TSHZ2: variants seen among roughly 807,000 people sequenced by gnomAD.
TSHZ2 encodes the protein teashirt zinc finger homeobox 2, also known as teashirt homolog 2.
Under a neutral mutation model 74.4 loss-of-function variants are expected in TSHZ2, and 21 were observed. The observed-to-expected ratio is 0.28, with a 90% CI of 0.20 to 0.41. The LOEUF is 0.41. Ranked by LOEUF, TSHZ2 falls within the 10% of genes least tolerant of loss-of-function variation. TSHZ2 has a pLI of 1.00. For missense variants in TSHZ2, 1,244 were observed against 1,293.5 expected (o/e 0.96, Z 0.59); for synonymous variants, 540 against 515.3 (o/e 1.05, Z -0.65).
At chr20:53,230,288 T>C (rs574867481) in intron 1 of TSHZ2, among the ~76,000 whole-genome samples, 1 of 152,332 alleles carries the variant, frequency 6.6e-6, no homozygotes, top group South Asian at 2.1e-4. Context: ...AGAATTATGA[T>C]TGGATCATTT....
At chr20:53,473,183 T>C (rs1439695649) in intron 2 of TSHZ2, among the ~76,000 whole-genome samples, 6 of 146,160 alleles carry the variant, frequency 4.1e-5, no homozygotes, top group East Asian at 2.1e-4. Context: ...CCTGCCTCTG[T>C]AGGCTCCACC....
intron 1 of TSHZ2, among the ~76,000 whole-genome samples, chr20:53,004,481 C>A (rs566195040): frequency 1.1e-4 from 16 of 152,292 alleles, no homozygotes; most frequent in African/African-American, 3.8e-4. Flanking sequence ...GCAGGCGTTG[C>A]CCCGCCACCT....
intron 2 of TSHZ2, among the ~76,000 whole-genome samples, chr20:53,327,034 C>A (rs373369729): frequency 3.3e-5 from 5 of 152,200 alleles, no homozygotes; most frequent in African/African-American, 1.2e-4. Flanking sequence ...ACCGTACATG[C>A]AGCACTGTGC....
intron 1 of TSHZ2, among the ~76,000 whole-genome samples, chr20:53,153,584 T>G (rs556166282): frequency 1.3e-5 from 2 of 152,302 alleles, no homozygotes; most frequent in African/African-American, 4.8e-5. Context: ...GAACAGACCC[T>G]GAGTCTAGAA....
chr20:53,028,513 G>A (rs6022230), intron 1 of TSHZ2, among the ~76,000 whole-genome samples: 110,531 of 152,210 alleles, frequency 0.73, 41,585 homozygotes, highest in East Asian at 0.96. Flanking sequence ...CCTGGAAATT[G>A]TGACTTCTAG....
chr20:53,241,393 G>A (rs1990067118), intron 1 of TSHZ2, among the ~76,000 whole-genome samples: 1 of 152,070 alleles, frequency 6.6e-6, no homozygotes, highest in South Asian at 2.1e-4. Context: ...AAATAGGTCA[G>A]GATTTATTTG....
intron 2 of TSHZ2, among the ~76,000 whole-genome samples, chr20:53,385,428 G>A (rs193040153): frequency 1.2e-4 from 18 of 152,174 alleles, no homozygotes; most frequent in African/African-American, 2.4e-4. Context: ...ATACTGGGGC[G>A]CCCCAAAGGA....
Position 53,216,897 on chromosome 20 carries a change from G to A in TSHZ2, c.41-36602G>A, listed in dbSNP as rs1184515335. ...TCCCTGCAGCCCCTGGCAGCTCCTGGCGACTCACTTCACCGCCCGGAGAAT... is the reference window on the plus strand; with the variant it reads ...TCCCTGCAGCCCCTGGCAGCTCCTGACGACTCACTTCACCGCCCGGAGAAT... On this transcript the variant is annotated intron_variant, in intron 1 of 2. Coordinates refer to ENST00000371497, the MANE Select transcript of TSHZ2 (RefSeq NM_173485.6). 3.9e-5 allele frequency among the ~76,000 whole-genome samples: 6 copies of A among 152,224 alleles called. No homozygotes were observed. In the East Asian group the frequency reaches 9.7e-4, roughly 25 times the overall value.
At chr20:53,321,424 G>A (rs1014836403) in intron 2 of TSHZ2, among the ~76,000 whole-genome samples, 3 of 152,010 alleles carry the variant, frequency 2.0e-5, no homozygotes, top group Non-Finnish European at 4.4e-5. Context: ...GGTGGCTCAC[G>A]CCTGTAATCC....
chr20:53,460,625 T>C (rs1238619311), intron 2 of TSHZ2, among the ~76,000 whole-genome samples: 2 of 152,248 alleles, frequency 1.3e-5, no homozygotes, highest in Admixed American at 6.5e-5. Context: ...AGAGGCGCTC[T>C]GCTTTTTAGA....
chr20:53,269,792 T>C (rs1990794772), intron 2 of TSHZ2, among the ~76,000 whole-genome samples: 1 of 136,694 alleles, frequency 7.3e-6, no homozygotes, highest in Non-Finnish European at 1.6e-5. Context: ...AAACTTAGAG[T>C]ATAATAAAAA....
At chr20:53,086,510 C>T (rs1294508116) in intron 1 of TSHZ2, among the ~76,000 whole-genome samples, 3 of 152,114 alleles carry the variant, frequency 2.0e-5, no homozygotes, top group African/African-American at 4.8e-5. Context: ...TTGAATAGAT[C>T]ATCCCCAAGT....
At chr20:53,448,028 C>T (rs1156257082) in intron 2 of TSHZ2, among the ~76,000 whole-genome samples, 2 of 151,914 alleles carry the variant, frequency 1.3e-5, no homozygotes, top group African/African-American at 2.4e-5. Context: ...ATTCTCCTGC[C>T]TCAGCCTCCC....
chr20:53,418,622 C>T (rs186977417), intron 2 of TSHZ2, among the ~76,000 whole-genome samples: 1 of 152,110 alleles, frequency 6.6e-6, no homozygotes, highest in African/African-American at 2.4e-5. Context: ...GACCTGCCCC[C>T]ATGATCCAAT....
At chr20:53,213,166 A>G (rs934079500) in intron 1 of TSHZ2, among the ~76,000 whole-genome samples, 5 of 152,226 alleles carry the variant, frequency 3.3e-5, no homozygotes, top group Non-Finnish European at 7.3e-5. Flanking sequence ...CAAAACACCG[A>G]AAAACTTTTA....
intron 1 of TSHZ2, among the ~76,000 whole-genome samples, chr20:53,146,420 C>T (rs1193268049): frequency 6.6e-6 from 1 of 152,008 alleles, no homozygotes; most frequent in Non-Finnish European, 1.5e-5. Flanking sequence ...ATTGAGATCC[C>T]CAAGCAGCAC....
chr20:53,314,065 A>C (rs1437893623), intron 2 of TSHZ2, among the ~76,000 whole-genome samples: 1 of 152,146 alleles, frequency 6.6e-6, no homozygotes, highest in Non-Finnish European at 1.5e-5. Flanking sequence ...AGGTGGGCAG[A>C]TCACTTGAGG....
intron 1 of TSHZ2, among the ~76,000 whole-genome samples, chr20:53,103,357 A>G (rs1030576447): frequency 6.6e-6 from 1 of 152,230 alleles, no homozygotes; most frequent in Non-Finnish European, 1.5e-5. Flanking sequence ...TTAGACAAAC[A>G]ACCTCTGATG....
In TSHZ2 at chr20:53,106,707, G is replaced by GTT. The variant is rs796905956; in HGVS notation, c.40+133383_40+133384dup. Among the ~76,000 whole-genome samples the GTT allele has an allele frequency of 3.8e-3, 423 of 110,258 alleles. 7 individuals carry two copies. The highest frequency in any genetic ancestry group is 0.014 in the African/African-American group (388 of 27,788). The allele number at this position is 110,258 out of a possible 152,430, so 72.3% of individuals were successfully genotyped here. A position where few individuals can be genotyped will look rare whatever the true frequency, so the allele number is the denominator to read the frequency against. On this transcript the variant is annotated intron_variant, in intron 1 of 2. Coordinates refer to ENST00000371497, the MANE Select transcript of TSHZ2 (RefSeq NM_173485.6). Reference sequence around the variant, plus strand: ...GCCACCACGCAGGGCATTTTTTTTTGTTTTTTTTTTGACACAGAGTCCCTC... The same window carrying GTT: ...GCCACCACGCAGGGCATTTTTTTTTGTTTTTTTTTTTTGACACAGAGTCCCTC...
Sources: gnomAD v4.1 joint callset for allele counts (sites outside exome capture counted in the v4.1 genomes callset) on GRCh38, gnomAD v4.1.1 for gene constraint, MANE v1.5 for transcripts, NCBI Gene and HGNC (gene_info 2026-07-23, HGNC 2026-07-21) for gene names.